TANK: variants seen among roughly 807,000 people sequenced by gnomAD.
TANK encodes TRAF family member-associated NF-kappa-B activator.
Under a neutral mutation model 43.6 loss-of-function variants are expected in TANK, and 15 were observed. The observed-to-expected ratio is 0.34, with a 90% CI of 0.23 to 0.53. The LOEUF is 0.53. Among genes scored for constraint, TANK ranks in the 20% least tolerant of loss-of-function variants. TANK has a pLI of 0.94. For missense variants in TANK, 417 were observed against 498.6 expected, an observed-to-expected ratio of 0.84 and a Z score of 1.56; for synonymous variants, 162 against 178.2, an observed-to-expected ratio of 0.91 and a Z score of 0.73.
intron 6 of TANK, among the ~76,000 whole-genome samples, chr2:161,225,266 T>TA (rs1302542950): frequency 6.6e-6 from 1 of 152,114 alleles, no homozygotes; most frequent in Non-Finnish European, 1.5e-5. Flanking sequence ...CTTGCTATGT[T>TA]GCCCAGACTG....
intron 1 of TANK, chr2:161,161,906 A>G (rs1303216441): frequency 6.6e-6 from 1 of 152,542 alleles, no homozygotes; most frequent in Non-Finnish European, 1.5e-5. Context: ...TTTTTATCTC[A>G]GGTAAGAAGG....
At chr2:161,227,930 T>TG (rs1687714252) in intron 6 of TANK, among the ~76,000 whole-genome samples, 1 of 152,144 alleles carries the variant, frequency 6.6e-6, no homozygotes, top group African/African-American at 2.4e-5. Context: ...CAATTAAGCT[T>TG]GGTGACAATT....
At chr2:161,192,325 C>A (rs555639103) in intron 2 of TANK, among the ~76,000 whole-genome samples, 1 of 152,126 alleles carries the variant, frequency 6.6e-6, no homozygotes, top group Non-Finnish European at 1.5e-5. Flanking sequence ...TAAGCTGCTG[C>A]GTGGAATAAT....
chr2:161,181,811 G>A (rs2105300193), intron 2 of TANK, among the ~76,000 whole-genome samples: 1 of 152,154 alleles, frequency 6.6e-6, no homozygotes, highest in East Asian at 1.9e-4. Flanking sequence ...CTAGCCAAGG[G>A]AAAACTTGCA....
chr2:161,208,556 A>G (rs1447881824), intron 4 of TANK, among the ~76,000 whole-genome samples: 1 of 152,144 alleles, frequency 6.6e-6, no homozygotes, highest in East Asian at 1.9e-4. Flanking sequence ...CGACAAATTT[A>G]CCTGAGTTTC....
At chr2:161,170,869 T>C (rs1466240840) in intron 1 of TANK, among the ~76,000 whole-genome samples, 1 of 152,256 alleles carries the variant, frequency 6.6e-6, no homozygotes, top group East Asian at 1.9e-4. Flanking sequence ...TCTGATTTTA[T>C]CTTCAGTTGA....
intron 2 of TANK, among the ~76,000 whole-genome samples, chr2:161,191,830 G>A (rs1276595600): frequency 1.3e-5 from 2 of 151,934 alleles, no homozygotes; most frequent in Non-Finnish European, 1.5e-5. Context: ...ATCTCACTCT[G>A]TTGCCCAGGC....
intron 2 of TANK, chr2:161,203,098 AT>A (rs569487668): frequency 1.6e-3 from 379 of 235,932 alleles, no homozygotes; most frequent in African/African-American, 8.4e-3. Context: ...CAAAATCTTA[AT>A]TTTTTAAGTT....
intron 4 of TANK, among the ~76,000 whole-genome samples, chr2:161,208,325 G>T (rs964793002): frequency 6.6e-6 from 1 of 152,008 alleles, no homozygotes; most frequent in Non-Finnish European, 1.5e-5. Flanking sequence ...TACACAAAAA[G>T]AATGCAAAAA....
intron 2 of TANK, among the ~76,000 whole-genome samples, 198 bp from the exon 3 acceptor site, chr2:161,203,289 G>A (rs548849214): frequency 2.0e-5 from 3 of 151,888 alleles, no homozygotes; most frequent in African/African-American, 7.3e-5. Context: ...AAACTTCTGC[G>A]GTGCTTTAAG....
At chr2:161,161,278 C>T (rs1684421448) in intron 1 of TANK, 2 of 1,550,444 alleles carry the variant, frequency 1.3e-6, no homozygotes, top group Non-Finnish European at 1.7e-6. Context: ...TTTATCTCAC[C>T]TCACAGGAGA....
chr2:161,153,806 C>T (rs1051276297), intron 1 of TANK, among the ~76,000 whole-genome samples: 3 of 151,470 alleles, frequency 2.0e-5, no homozygotes, highest in African/African-American at 4.9e-5. Flanking sequence ...CTTGTTCATA[C>T]ATTATTTTGT....
intron 1 of TANK, among the ~76,000 whole-genome samples, chr2:161,148,163 T>G (rs1683970366): frequency 1.3e-5 from 2 of 152,222 alleles, no homozygotes; most frequent in South Asian, 4.1e-4. Context: ...GCTTCCAATT[T>G]TTCCACATCC....
At chr2:161,184,182 GTAGAT>G (rs1685553260) in intron 2 of TANK, among the ~76,000 whole-genome samples, 2 of 152,122 alleles carry the variant, frequency 1.3e-5, no homozygotes, top group African/African-American at 4.8e-5. Context: ...ACCTGTAAAG[GTAGAT>G]TAGTATGGCT....
chr2:161,182,271 C>A (rs1035469200), intron 2 of TANK, among the ~76,000 whole-genome samples: 6 of 152,258 alleles, frequency 3.9e-5, no homozygotes, highest in South Asian at 2.1e-4. Flanking sequence ...AGTTCCAACA[C>A]CATCTACTCA....
At chr2:161,192,898 G>A (rs184063715) in intron 2 of TANK, among the ~76,000 whole-genome samples, 2 of 152,128 alleles carry the variant, frequency 1.3e-5, no homozygotes, top group Non-Finnish European at 2.9e-5. Flanking sequence ...GACCATATTC[G>A]TTATACTAAC....
chr2:161,206,954 G>C (rs1289390390), intron 4 of TANK, among the ~76,000 whole-genome samples: 1 of 151,938 alleles, frequency 6.6e-6, no homozygotes, highest in African/African-American at 2.4e-5. Flanking sequence ...AGGTAGTTTT[G>C]AAAATAAAAC....
intron 2 of TANK, chr2:161,200,257 T>C: frequency 1.5e-6 from 1 of 653,614 alleles, no homozygotes; most frequent in East Asian, 1.4e-4. Context: ...GTTTTCTGTT[T>C]CGTGGGGTCT....
intron 2 of TANK, chr2:161,200,444 C>A: frequency 1.0e-6 from 1 of 965,012 alleles, no homozygotes; most frequent in Non-Finnish European, 1.2e-6. Context: ...ATTTACTTTC[C>A]AAATAGCAAA....
Sources: gnomAD v4.1 joint callset for allele counts (sites outside exome capture counted in the v4.1 genomes callset) on GRCh38, gnomAD v4.1.1 for gene constraint, MANE v1.5 for transcripts, NCBI Gene and HGNC (gene_info 2026-07-23, HGNC 2026-07-21) for gene names.